MKS1: variants seen among roughly 807,000 people sequenced by gnomAD.
The protein encoded by MKS1 is MKS transition zone complex subunit 1.
In MKS1, 70 loss-of-function variants were observed where a neutral mutation model predicts 83.7. That is an observed-to-expected ratio of 0.84 (90% CI 0.69 to 1.02). The LOEUF (loss-of-function observed/expected upper bound fraction) is 1.02. Among genes scored for constraint, MKS1 ranks in the 50% least tolerant of loss-of-function variants. The pLI, the probability that MKS1 is intolerant of heterozygous loss-of-function variation, is 0.00. For missense variants in MKS1, 681 were observed against 726.9 expected, an observed-to-expected ratio of 0.94 and a Z score of 0.73; for synonymous variants, 251 against 273.4, an observed-to-expected ratio of 0.92 and a Z score of 0.81.
Position 58,213,814 on chromosome 17 carries a change from C to T in MKS1, c.700G>A (p.Gly234Ser), listed in dbSNP as rs746666115. ...VLCTLKVDSN[G>S]VITVKPDFTG... ...AAGTCAGGCTTTACTGTGATCACACCATTGCTATCCACCTTCAGAGTACAC... is the reference window on the plus strand; with the variant it reads ...AAGTCAGGCTTTACTGTGATCACACTATTGCTATCCACCTTCAGAGTACAC... Residue 234 changes from glycine (G) to serine (S), a missense_variant, in exon 7 of 18, where the codon GGT becomes AGT. Physicochemically the swap from Gly to Ser is moderately conservative, Grantham distance 56 (BLOSUM62 0). This residue lies in a region of MKS1 where 365 missense variants were observed against 383.8 expected (regional missense o/e 0.95). Transcript: ENST00000393119. The T allele has an allele frequency of 6.2e-7, 1 of 1,613,982 alleles. No homozygotes were observed. The highest frequency in any genetic ancestry group is 8.5e-7 in the Non-Finnish European group (1 of 1,180,008).
intron 3 of MKS1, 109 bp from the exon 4 acceptor site, chr17:58,216,352 C>T: frequency 8.0e-7 from 1 of 1,249,912 alleles, no homozygotes; most frequent in East Asian, 2.4e-5. Context: ...TGCTATCTGA[C>T]ATGTTTTCAT....
Position 58,212,527 on chromosome 17 carries a change from G to A in MKS1, c.859-93C>T. On this transcript the variant is annotated intron_variant, in intron 8 of 17. Transcript: ENST00000393119. ...GGAAGAAGAAAAGCAATAGTGGGAA[G>A]GGTCAGCAAGAGCTGGAGGCGTAAG... is the stretch of plus-strand genomic sequence containing the variant. 2.9e-6 allele frequency: 4 copies of A among 1,388,152 alleles called. No homozygotes were observed. In the South Asian group the frequency reaches 4.7e-5, roughly 16 times the overall value. 86.0% of individuals were successfully genotyped at this position (1,388,152 alleles called of 1,614,324 possible).
chr17:58,205,529 G>T lies in MKS1; in HGVS notation c.*550C>A, dbSNP rs889699835. 2 of 1,299,822 alleles carry T rather than the reference G, an allele frequency of 1.5e-6. No individual in the cohort carries two copies. The highest frequency in any genetic ancestry group is 2.3e-5 in the Admixed American group (1 of 42,652). The allele number at this position is 1,299,822 out of a possible 1,614,324, so 80.5% of individuals were successfully genotyped here. On this transcript the variant is annotated 3_prime_UTR_variant, in exon 18 of 18. Transcript: ENST00000393119. The stretch of plus-strand genomic sequence containing the variant: ...AAGATACCACCCAGCTAGCAGAAAG[G>T]ACTCAGCACTGCCTTCAGCCTTCAC...
At chr17:58,215,894 G>GC in intron 4 of MKS1, 194 bp downstream of exon 4, 1 of 663,952 alleles carries the variant, frequency 1.5e-6, no homozygotes, top group Non-Finnish European at 2.6e-6. Context: ...AGAGAAGGGA[G>GC]CAGCAGCCTC....
chr17:58,211,829 G>C (rs1274417388), intron 9 of MKS1, among the ~76,000 whole-genome samples: 1 of 149,744 alleles, frequency 6.7e-6, no homozygotes, highest in Non-Finnish European at 1.5e-5. Context: ...GCCTCACAAA[G>C]TGCTGGGATT....
intron 4 of MKS1, among the ~76,000 whole-genome samples, chr17:58,215,320 T>G (rs1469779106): frequency 6.6e-6 from 1 of 152,158 alleles, no homozygotes; most frequent in African/African-American, 2.4e-5. Context: ...AGTGCAGTGG[T>G]GCTATCATAG....
rs372527189 is a variant in MKS1, at chr17:58,214,729, G to A, written c.515+12C>T. On this transcript the variant is annotated intron_variant, in intron 5 of 17. Transcript: ENST00000393119. ...AGTAAAAGCTTGTCCCCCATCCCAT[G>A]CCCGCACTCACATCCCTCGCCTGTC... 4.3e-4 allele frequency: 687 copies of A among 1,603,268 alleles called. 3 individuals are homozygous for A. In the Middle Eastern group the frequency reaches 0.011, roughly 26 times the overall value.
At chr17:58,214,646 G>T in intron 5 of MKS1, 95 bp downstream of exon 5, 1 of 1,315,098 alleles carries the variant, frequency 7.6e-7, no homozygotes, top group Non-Finnish European at 1.1e-6. Context: ...AGTAATACTT[G>T]AATACTATAT....
At chr17:58,217,147 C>A (rs1238089197) in intron 2 of MKS1, among the ~76,000 whole-genome samples, 7 of 152,180 alleles carry the variant, frequency 4.6e-5, no homozygotes. Context: ...ACACCACCAA[C>A]CCAGCTAATT....
intron 9 of MKS1, 51 bp downstream of exon 9, chr17:58,212,327 A>G (rs780843782): frequency 2.5e-6 from 4 of 1,604,360 alleles, no homozygotes; most frequent in Non-Finnish European, 2.6e-6. Context: ...CACAGTCAGA[A>G]TGCTCCGGCT....
At chr17:58,212,565 C>G (rs879233740) in intron 8 of MKS1, 131 bp from the exon 9 acceptor site, 1 of 964,222 alleles carries the variant, frequency 1.0e-6, no homozygotes. Flanking sequence ...CCTGACTCAC[C>G]GCCATTTTAC....
intron 6 of MKS1, 140 bp from the exon 7 acceptor site, chr17:58,214,009 GA>G (rs796863487): frequency 3.2e-5 from 31 of 953,846 alleles, no homozygotes; most frequent in Middle Eastern, 2.2e-4. Context: ...GTACAACTAA[GA>G]AAAAAAAGGA....
At chr17:58,208,350 C>G in intron 12 of MKS1, 163 bp downstream of exon 12, 1 of 971,618 alleles carries the variant, frequency 1.0e-6, no homozygotes. Context: ...CTCAAAAAGA[C>G]AGACAGGATC....
chr17:58,216,258 AG>A lies in MKS1; in HGVS notation c.262-16del. On this transcript the variant is annotated splice_polypyrimidine_tract_variant and intron_variant, in intron 3 of 17. Coordinates refer to ENST00000393119, the MANE Select transcript of MKS1 (RefSeq NM_017777.4). Reference sequence around the variant, plus strand: ...TCTACTTCAAACTGAGGTTACCATAAGGAAACAGAGATGTGTACATCATTAT... The same window carrying A: ...TCTACTTCAAACTGAGGTTACCATAAGAAACAGAGATGTGTACATCATTAT... The A allele has an allele frequency of 1.2e-6, 2 of 1,610,018 alleles. No individual in the cohort carries two copies. Among genetic ancestry groups the A allele is most frequent in the Non-Finnish European group, 1.7e-6 (2 of 1,179,614 alleles).
At position 58,216,253 on chromosome 17, in the gene MKS1, C is replaced by A. The variant is rs772852025; in HGVS notation, c.262-10G>T. Reference sequence around the variant, plus strand: ...ACAGATCTACTTCAAACTGAGGTTACCATAAGGAAACAGAGATGTGTACAT... The same window carrying A: ...ACAGATCTACTTCAAACTGAGGTTAACATAAGGAAACAGAGATGTGTACAT... On this transcript the variant is annotated splice_polypyrimidine_tract_variant and intron_variant, in intron 3 of 17. Transcript: ENST00000393119. 2.5e-6 allele frequency: 4 copies of A among 1,610,830 alleles called. No homozygotes were observed. The highest frequency in any genetic ancestry group is 3.3e-4 in the Middle Eastern group (2 of 6,082).
intron 7 of MKS1, 114 bp from the exon 8 acceptor site, chr17:58,213,204 G>T: frequency 1.0e-6 from 1 of 987,170 alleles, no homozygotes; most frequent in Non-Finnish European, 1.6e-6. Context: ...TAAAGTATAT[G>T]ATGATAAAAG....
chr17:58,210,774 A>T, intron 10 of MKS1, 50 bp from the exon 11 acceptor site: 1 of 1,579,022 alleles, frequency 6.3e-7, no homozygotes, highest in Non-Finnish European at 8.7e-7. Flanking sequence ...TACCACCCTT[A>T]GCACCCAACC....
chr17:58,215,453 G>A (rs79758134), intron 4 of MKS1, among the ~76,000 whole-genome samples: 12,062 of 152,020 alleles, frequency 0.079, 481 homozygotes, highest in Middle Eastern at 0.14. Context: ...CTCTAATAAT[G>A]AAAGCACGTC....
chr17:58,207,991 C>A lies in MKS1; in HGVS notation c.1176G>T (p.Pro392=), dbSNP rs775169308. 21 of 1,613,474 alleles carry A rather than the reference C, an allele frequency of 1.3e-5. No homozygotes were observed. The highest frequency in any genetic ancestry group is 1.7e-5 in the Non-Finnish European group (20 of 1,179,780). Reference sequence around the variant, plus strand: ...CCTCACAGTAGAGCACAGGCCACTCCGGGAGTGCATCTGGGAGCAAGGAGA... The same window carrying A: ...CCTCACAGTAGAGCACAGGCCACTCAGGGAGTGCATCTGGGAGCAAGGAGA... ...LHEDESSDAL[P]EWPVLYCEVL... Residue 392 remains proline (P), a synonymous_variant, in exon 14 of 18, where the codon CCG becomes CCT. Transcript: ENST00000393119.
Sources: allele counts gnomAD v4.1 joint callset (sites outside exome capture counted in the v4.1 genomes callset), GRCh38; gene constraint gnomAD v4.1.1; regional missense constraint gnomAD v4.1.1; transcripts MANE v1.5; gene names NCBI Gene and HGNC (gene_info 2026-07-23, HGNC 2026-07-21).